The following RFC1 variants were observed in gnomAD, a reference collection of about 807,000 sequenced individuals.
RFC1 encodes the protein replication factor C subunit 1, also known as A1 140 kDa subunit.
In RFC1, 37 loss-of-function variants were observed where a neutral mutation model predicts 137.4. The observed-to-expected ratio is 0.27, with a 90% confidence interval of 0.21 to 0.35. The LOEUF (loss-of-function observed/expected upper bound fraction) is 0.35, where lower values mean the gene tolerates loss of function less well. RFC1 is among the 10% of genes least tolerant of loss of function. The pLI is 1.00. For synonymous variants in RFC1, 429 were observed against 455.7 expected, an observed-to-expected ratio of 0.94 and a Z score of 0.75; for missense variants, 1,205 against 1,358.5, an observed-to-expected ratio of 0.89 and a Z score of 1.78.
intron 19 of RFC1, among the ~76,000 whole-genome samples, chr4:39,301,215 A>C (rs1738343289): frequency 6.6e-6 from 1 of 152,232 alleles, no homozygotes; most frequent in South Asian, 2.1e-4. Context: ...ACTATACCAC[A>C]TTCTGGAAAA....
chr4:39,342,407 G>T lies in RFC1; in HGVS notation c.269C>A (p.Pro90Gln). ...AATTTTACCAGGTTTAGAAGATACT[G>T]GCAGTTTTTCTGGTGGCTTTTTGGC... is the stretch of plus-strand genomic sequence containing the variant. ...KNAKKPPEKL[P>Q]VSSKPGKISR... is the part of the protein sequence containing the mutation. Residue 90 changes from proline (P) to glutamine (Q), a missense_variant, in exon 4 of 25, where the codon CCA (proline) becomes CAA (glutamine). Transcript: ENST00000349703. The T allele has an allele frequency of 1.2e-6, 2 of 1,613,480 alleles. No homozygotes were observed. The highest frequency in any genetic ancestry group is 1.1e-5 in the South Asian group (1 of 91,038).
chr4:39,303,213 G>A (rs1178447741), intron 15 of RFC1, 62 bp from the exon 16 acceptor site: 10 of 1,103,682 alleles, frequency 9.1e-6, no homozygotes, highest in Non-Finnish European at 1.2e-5. Context: ...CTCAAAAACT[G>A]CTGCTCTGTA....
chr4:39,335,501 A>C (rs995342338), intron 4 of RFC1, among the ~76,000 whole-genome samples: 1 of 152,238 alleles, frequency 6.6e-6, no homozygotes, highest in African/African-American at 2.4e-5. Flanking sequence ...TTTTAAAATA[A>C]ACCTTATTTT....
intron 4 of RFC1, among the ~76,000 whole-genome samples, chr4:39,340,556 T>C (rs1037785402): frequency 6.6e-6 from 1 of 152,074 alleles, no homozygotes; most frequent in Non-Finnish European, 1.5e-5. Flanking sequence ...ACGTAAAGAG[T>C]AATGAAAGCA....
chr4:39,308,656 G>T lies in RFC1; in HGVS notation c.1865C>A (p.Ser622Tyr). ...LRWLRNWQKS[S>Y]SEDKKHAKFG... ...ATCACCGTGTTTTTTATCTTCGGAA[G>T]AACTCTTTTGCCAGTTTCGGAGCCA... is the stretch of plus-strand genomic sequence containing the variant. Residue 622 changes from serine (S) to tyrosine (Y), a missense_variant, in exon 13 of 25, where the codon TCT becomes TAT. Transcript: ENST00000349703. 6.2e-7 allele frequency: 1 copy of T among 1,610,980 alleles called. No individual in the cohort carries two copies. The highest frequency in any genetic ancestry group is 8.5e-7 in the Non-Finnish European group (1 of 1,178,120).
At chr4:39,300,770 T>C (rs567845931) in intron 19 of RFC1, among the ~76,000 whole-genome samples, 2 of 152,154 alleles carry the variant, frequency 1.3e-5, no homozygotes, top group Admixed American at 6.5e-5. Flanking sequence ...TTATTCAACA[T>C]TAAAAAGAAG....
intron 2 of RFC1, among the ~76,000 whole-genome samples, chr4:39,347,790 A>G (rs552926673): frequency 2.7e-4 from 41 of 152,360 alleles, no homozygotes; most frequent in African/African-American, 9.9e-4. Flanking sequence ...ATGTTGGTAT[A>G]AATATGAATG....
At chr4:39,302,007 A>T (rs1056687935) in intron 19 of RFC1, among the ~76,000 whole-genome samples, 1 of 152,224 alleles carries the variant, frequency 6.6e-6, no homozygotes, top group Non-Finnish European at 1.5e-5. Context: ...AAACATAAAG[A>T]ACTCTGGAAA....
chr4:39,342,552 T>G, intron 3 of RFC1, 85 bp from the exon 4 acceptor site: 11 of 1,291,206 alleles, frequency 8.5e-6, no homozygotes, highest in East Asian at 5.2e-5. Flanking sequence ...GGTGAACCAA[T>G]TCCTCAAGGT....
intron 12 of RFC1, among the ~76,000 whole-genome samples, chr4:39,310,296 C>T (rs1224615197): frequency 3.3e-5 from 5 of 152,116 alleles, no homozygotes; most frequent in Admixed American, 1.3e-4. Context: ...CAACTAAATG[C>T]AGTGTGGGAC....
chr4:39,307,359 A>C (rs981930068), intron 13 of RFC1: 5 of 153,032 alleles, frequency 3.3e-5, no homozygotes, highest in African/African-American at 4.8e-5. Flanking sequence ...TGACAGAGAC[A>C]ATGGTTTTCA....
At chr4:39,335,944 A>C (rs988189325) in intron 4 of RFC1, among the ~76,000 whole-genome samples, 7 of 152,188 alleles carry the variant, frequency 4.6e-5, no homozygotes, top group Non-Finnish European at 7.3e-5. Context: ...GGCATTCAGG[A>C]ATACAGTCCT....
At chr4:39,301,315 G>C (rs1334708378) in intron 19 of RFC1, among the ~76,000 whole-genome samples, 1 of 152,166 alleles carries the variant, frequency 6.6e-6, no homozygotes, top group African/African-American at 2.4e-5. Flanking sequence ...GTAGAGCACA[G>C]AGGATGTTCA....
At chr4:39,298,577 G>A (rs1259550538) in intron 21 of RFC1, among the ~76,000 whole-genome samples, 1 of 152,086 alleles carries the variant, frequency 6.6e-6, no homozygotes, top group Non-Finnish European at 1.5e-5. Context: ...TGCCTTTTTA[G>A]CAAGGAAGAA....
chr4:39,330,146 C>T (rs1033688215), intron 4 of RFC1, among the ~76,000 whole-genome samples: 1 of 152,078 alleles, frequency 6.6e-6, no homozygotes, highest in African/African-American at 2.4e-5. Flanking sequence ...TGAGTGGCTC[C>T]TATGTCCTCT....
chr4:39,318,156 CA>C (rs5857672), intron 9 of RFC1: 144,742 of 148,988 alleles, frequency 0.97, 70,396 homozygotes, highest in East Asian at 1. Flanking sequence ...GACTCCGTCT[CA>C]AAAAAAAAAA....
intron 12 of RFC1, among the ~76,000 whole-genome samples, chr4:39,309,509 C>T (rs1738859664): frequency 6.6e-6 from 1 of 152,246 alleles, no homozygotes; most frequent in Non-Finnish European, 1.5e-5. Flanking sequence ...GACTGAAGCA[C>T]TGATACATGC....
chr4:39,342,532 A>C (rs1578156597), intron 3 of RFC1, 65 bp from the exon 4 acceptor site: 1 of 1,520,872 alleles, frequency 6.6e-7, no homozygotes, highest in Non-Finnish European at 9.0e-7. Context: ...TGCATGTTTA[A>C]AGTAGTCACG....
At chr4:39,299,020 C>A (rs1024533029) in intron 21 of RFC1, among the ~76,000 whole-genome samples, 5 of 152,206 alleles carry the variant, frequency 3.3e-5, no homozygotes, top group Non-Finnish European at 7.3e-5. Context: ...AACGCCCACA[C>A]TGGAAGGTTG....
Sources: allele counts gnomAD v4.1 joint callset (sites outside exome capture counted in the v4.1 genomes callset), GRCh38; gene constraint gnomAD v4.1.1; transcripts MANE v1.5; gene names NCBI Gene and HGNC (gene_info 2026-07-23, HGNC 2026-07-21).